The following STARD13 variants were observed in gnomAD, a reference collection of about 807,000 sequenced individuals.
The protein encoded by STARD13 is stAR-related lipid transfer protein 13.
Under a neutral mutation model 106.4 loss-of-function variants are expected in STARD13, and 62 were observed. That is an observed-to-expected ratio of 0.58 (90% CI 0.48 to 0.72). The LOEUF (loss-of-function observed/expected upper bound fraction) is 0.72. Among genes scored for constraint, STARD13 ranks in the 30% least tolerant of loss-of-function variants. The pLI, the probability that STARD13 is intolerant of heterozygous loss-of-function variation, is 0.00. For synonymous variants in STARD13, 565 were observed against 553.0 expected (o/e 1.02, Z -0.31); for missense variants, 1,387 against 1,424.0 (o/e 0.97, Z 0.42).
At chr13:33,531,940 C>T in the STARD13 span, among the ~76,000 whole-genome samples, 1 of 152,158 alleles carries the variant, frequency 6.6e-6, no homozygotes, top group African/African-American at 2.4e-5. Context: ...AATGCTACCA[C>T]CAACAGAAGT....
chr13:33,290,343 G>T (rs1384787839), upstream of STARD13, among the ~76,000 whole-genome samples: 1 of 152,208 alleles, frequency 6.6e-6, no homozygotes, highest in Admixed American at 6.5e-5. Context: ...AAGATTGTGG[G>T]TTGATGTCAA....
At chr13:33,477,177 C>T in the STARD13 span, among the ~76,000 whole-genome samples, 1 of 152,160 alleles carries the variant, frequency 6.6e-6, no homozygotes, top group Non-Finnish European at 1.5e-5. Context: ...TGGCTAATTG[C>T]TACAAGTCAA....
At chr13:33,111,024 CGGCCAGAGATGTTTTTCTAAGA>C (rs1874475880) in intron 10 of STARD13, 117 bp from the exon 11 acceptor site, 1 of 816,218 alleles carries the variant, frequency 1.2e-6, no homozygotes, top group African/African-American at 1.7e-5. Flanking sequence ...GAGGGCCACA[CGGCCAGAGATGTTTTTCTAAGA>C]TCATTGCCAA....
chr13:33,370,619 C>CTTTTTTTTTTTTTTTT, the STARD13 span, among the ~76,000 whole-genome samples: 1 of 131,618 alleles, frequency 7.6e-6, no homozygotes, highest in Non-Finnish European at 1.6e-5. Context: ...TTCTTTCTTT[C>CTTTTTTTTTTTTTTTT]TTTTTTTTTT....
chr13:33,350,522 G>C (rs1343621736), exon 1 of STARD13: 2 of 1,451,182 alleles, frequency 1.4e-6, no homozygotes, highest in African/African-American at 2.9e-5. Flanking sequence ...CTCCCGCCGG[G>C]GTCCCGGGAC....
At chr13:33,210,062 G>A (rs1394372106) in intron 1 of STARD13, among the ~76,000 whole-genome samples, 2 of 152,180 alleles carry the variant, frequency 1.3e-5, no homozygotes, top group Non-Finnish European at 2.9e-5. Context: ...CGCTGGGGTC[G>A]ACAACAGCCG....
At chr13:33,665,167 G>C in the STARD13 span, among the ~76,000 whole-genome samples, 1 of 152,116 alleles carries the variant, frequency 6.6e-6, no homozygotes, top group East Asian at 1.9e-4. Context: ...CTTATTTAAG[G>C]GAAGTTCTTG....
chr13:33,194,201 C>A (rs1886453062), intron 1 of STARD13, among the ~76,000 whole-genome samples: 1 of 152,058 alleles, frequency 6.6e-6, no homozygotes, highest in Non-Finnish European at 1.5e-5. Context: ...ACGGAGAAGG[C>A]AATGAACACA....
chr13:33,549,980 G>A, the STARD13 span, among the ~76,000 whole-genome samples: 1 of 152,228 alleles, frequency 6.6e-6, no homozygotes, highest in Non-Finnish European at 1.5e-5. Context: ...TCTGTTCACT[G>A]TTGCTAGCAT....
chr13:33,225,762 A>C (rs981022660), intron 1 of STARD13, among the ~76,000 whole-genome samples: 1 of 152,168 alleles, frequency 6.6e-6, no homozygotes, highest in African/African-American at 2.4e-5. Context: ...TTAAAAAAAA[A>C]ACAACTCTTC....
At chr13:33,472,245 G>A in the STARD13 span, among the ~76,000 whole-genome samples, 1 of 151,956 alleles carries the variant, frequency 6.6e-6, no homozygotes, top group Non-Finnish European at 1.5e-5. Context: ...TACATGAGAT[G>A]CTTTGATATA....
the STARD13 span, among the ~76,000 whole-genome samples, chr13:33,646,492 G>A: frequency 5.3e-5 from 8 of 152,236 alleles, no homozygotes; most frequent in African/African-American, 1.2e-4. Flanking sequence ...CATGGCTGTC[G>A]GCTGCTCAGC....
the STARD13 span, among the ~76,000 whole-genome samples, chr13:33,590,378 T>TG: frequency 3.9e-5 from 6 of 151,904 alleles, no homozygotes; most frequent in African/African-American, 1.5e-4. Flanking sequence ...TAAATCATGC[T>TG]CTCCTAAAGA....
Position 33,177,866 on chromosome 13 carries a change from G to T in STARD13, c.170-10244C>A, listed in dbSNP as rs866598900. ...GAAAGGAAGGAAGGAAGGAAGGAAGGAAGGAAGGAAAGGAAGGAAGGAAGG... is the reference window on the plus strand; with the variant it reads ...GAAAGGAAGGAAGGAAGGAAGGAAGTAAGGAAGGAAAGGAAGGAAGGAAGG... On this transcript the variant is annotated intron_variant, in intron 1 of 13. Transcript: ENST00000336934. Among the ~76,000 whole-genome samples, 100 of 13,434 alleles carry T rather than the reference G, an allele frequency of 7.4e-3. 11 individuals are homozygous for T. The highest frequency in any genetic ancestry group is 0.064 in the African/African-American group (85 of 1,338). The allele number at this position is 13,434 out of a possible 152,430, so 8.8% of individuals were successfully genotyped here. A position where few individuals can be genotyped will look rare whatever the true frequency, so the allele number is the denominator to read the frequency against.
the STARD13 span, among the ~76,000 whole-genome samples, chr13:33,583,229 ATAGTCACAGGTT>A: frequency 6.6e-6 from 1 of 152,228 alleles, no homozygotes; most frequent in Non-Finnish European, 1.5e-5. Context: ...AAACTCAGTG[ATAGTCACAGGTT>A]TATCATAATC....
chr13:33,501,078 C>CTTTT, the STARD13 span, among the ~76,000 whole-genome samples: 368 of 94,076 alleles, frequency 3.9e-3, 11 homozygotes, highest in African/African-American at 0.012. Context: ...TCTCTCTCTC[C>CTTTT]TTTTTTTTTT....
At chr13:33,205,952 T>C (rs1214384347) in intron 1 of STARD13, 1 of 985,334 alleles carries the variant, frequency 1.0e-6, no homozygotes, top group Non-Finnish European at 1.2e-6. Flanking sequence ...GAGTGTTTTC[T>C]CTTCGTTATC....
chr13:33,174,688 G>T (rs1244289733), intron 1 of STARD13, among the ~76,000 whole-genome samples: 1 of 152,192 alleles, frequency 6.6e-6, no homozygotes, highest in Admixed American at 6.5e-5. Flanking sequence ...TTGTTCAAGT[G>T]GCATAATCTA....
the STARD13 span, among the ~76,000 whole-genome samples, chr13:33,620,798 T>C: frequency 5.9e-4 from 89 of 150,728 alleles, no homozygotes; most frequent in African/African-American, 2.0e-3. Flanking sequence ...CAAATATTTG[T>C]ATAGATAAAA....
Sources: gnomAD v4.1 joint callset for allele counts (sites outside exome capture counted in the v4.1 genomes callset) on GRCh38, gnomAD v4.1.1 for gene constraint, MANE v1.5 for transcripts, NCBI Gene and HGNC (gene_info 2026-07-23, HGNC 2026-07-21) for gene names.